The following SEZ6L variants were observed in gnomAD, a reference collection of about 807,000 sequenced individuals.
SEZ6L encodes seizure related 6 homolog like, also known as seizure 6-like protein.
In SEZ6L, 37 loss-of-function variants were observed where a neutral mutation model predicts 106.2. The observed-to-expected ratio is 0.35, with a 90% CI of 0.27 to 0.46. The LOEUF (loss-of-function observed/expected upper bound fraction) is 0.46. Among genes scored for constraint, SEZ6L ranks in the 20% least tolerant of loss-of-function variants. The pLI is 1.00. For synonymous variants in SEZ6L, 541 were observed against 570.4 expected (o/e 0.95, Z 0.73); for missense variants, 1,172 against 1,332.8 (o/e 0.88, Z 1.88).
At chr22:26,360,573 C>A (rs937681126) in intron 12 of SEZ6L, among the ~76,000 whole-genome samples, 3 of 152,106 alleles carry the variant, frequency 2.0e-5, no homozygotes, top group Admixed American at 6.5e-5. Context: ...TCTTTTGTGT[C>A]GCCACTGCCA....
intron 10 of SEZ6L, among the ~76,000 whole-genome samples, chr22:26,346,136 T>A (rs1017039663): frequency 6.6e-6 from 1 of 151,994 alleles, no homozygotes. Context: ...CAAGCAATCC[T>A]CCCACCTCAG....
At position 26,292,141 on chromosome 22, in the gene SEZ6L, A is replaced by G. The variant is rs638296; in HGVS notation, c.95-265A>G. ...GGAAGGAGGGAGGGAGGAAAGAAAG[A>G]AAGAAAGGAAGGAAGGAAGGAAGGA... On this transcript the variant is annotated intron_variant, in intron 1 of 16. Transcript: ENST00000248933. The G allele has an allele frequency of 8.6e-3, 2,594 of 301,896 alleles. 17 individuals carry two copies. Among genetic ancestry groups the G allele is most frequent in the Non-Finnish European group, 0.012 (1,907 of 155,316 alleles). 18.7% of individuals were successfully genotyped at this position (301,896 alleles called of 1,614,324 possible). A position where few individuals can be genotyped will look rare whatever the true frequency, so the allele number is the denominator to read the frequency against.
chr22:26,299,189 G>A lies in SEZ6L; in HGVS notation c.1348+20G>A, dbSNP rs755813125. 1.5e-5 allele frequency: 21 copies of A among 1,388,538 alleles called. No individual in the cohort carries two copies. The highest frequency in any genetic ancestry group is 5.5e-5 in the South Asian group (3 of 54,718). 86.0% of individuals were successfully genotyped at this position (1,388,538 alleles called of 1,614,324 possible). A position where few individuals can be genotyped will look rare whatever the true frequency, so the allele number is the denominator to read the frequency against. Reference sequence around the variant, plus strand: ...GCTCAGGTATGCTCCAGCCTCAGCCGGACCAAACCTGATGGTCCAACTAAG... The same window carrying A: ...GCTCAGGTATGCTCCAGCCTCAGCCAGACCAAACCTGATGGTCCAACTAAG... On this transcript the variant is annotated intron_variant, in intron 5 of 16. Transcript: ENST00000248933.
At chr22:26,329,360 C>T (rs960952926) in intron 9 of SEZ6L, among the ~76,000 whole-genome samples, 1 of 152,058 alleles carries the variant, frequency 6.6e-6, no homozygotes, top group Non-Finnish European at 1.5e-5. Context: ...TCCAGCTACT[C>T]TGGAGGCTAA....
chr22:26,306,077 A>T lies in SEZ6L; in HGVS notation c.1447A>T (p.Ile483Phe). 1 of 1,614,144 alleles carries T rather than the reference A, an allele frequency of 6.2e-7. No homozygotes were observed. Among genetic ancestry groups the T allele is most frequent in the Non-Finnish European group, 8.5e-7 (1 of 1,180,024 alleles). The change falls in exon 6 of 17, where the codon ATT becomes TTT. Residue 483 changes from isoleucine to phenylalanine, a missense_variant. Ile to Phe is a conservative substitution (Grantham distance 21). Coordinates refer to ENST00000248933, the MANE Select transcript of SEZ6L (RefSeq NM_021115.5). ...TGGGAGCCAATTCTGCATCTGGACG[A>T]TTGAAGCTCCAGAGGGCCAGAAGCT... is the stretch of plus-strand genomic sequence containing the variant. ...TNGSQFCIWT[I>F]EAPEGQKLHL... is the part of the protein sequence containing the mutation.
chr22:26,210,574 G>A (rs1380156838), intron 1 of SEZ6L, among the ~76,000 whole-genome samples: 1 of 152,106 alleles, frequency 6.6e-6, no homozygotes, highest in Non-Finnish European at 1.5e-5. Flanking sequence ...CCCTGGGGGC[G>A]GTTTCTTTTG....
intron 1 of SEZ6L, among the ~76,000 whole-genome samples, chr22:26,200,418 C>T (rs1199730798): frequency 1.3e-5 from 2 of 152,160 alleles, no homozygotes; most frequent in Admixed American, 1.3e-4. Context: ...AAGGGGTGCA[C>T]AGGCTGACAG....
intron 1 of SEZ6L, among the ~76,000 whole-genome samples, chr22:26,244,121 T>C (rs2079239355): frequency 6.7e-6 from 1 of 149,446 alleles, no homozygotes; most frequent in Non-Finnish European, 1.5e-5. Flanking sequence ...TGAGATCACA[T>C]CACTGCACCC....
intron 12 of SEZ6L, chr22:26,364,733 A>G (rs1601622342): frequency 6.6e-6 from 1 of 152,296 alleles, no homozygotes; most frequent in Non-Finnish European, 1.5e-5. Flanking sequence ...GAAACAGATA[A>G]CTAATTCAGT....
chr22:26,291,449 G>T (rs971621128), intron 1 of SEZ6L, among the ~76,000 whole-genome samples: 3 of 88,706 alleles, frequency 3.4e-5, no homozygotes, highest in African/African-American at 2.3e-4. Flanking sequence ...GCGGGGTGGA[G>T]TTGGGGGAGG....
At chr22:26,343,714 C>T (rs2082917830) in intron 10 of SEZ6L, among the ~76,000 whole-genome samples, 1 of 152,100 alleles carries the variant, frequency 6.6e-6, no homozygotes, top group African/African-American at 2.4e-5. Flanking sequence ...GTGGGAGAGG[C>T]AGAAAAAGGA....
intron 3 of SEZ6L, among the ~76,000 whole-genome samples, chr22:26,294,975 CT>C (rs2081261321): frequency 2.0e-5 from 3 of 150,232 alleles, no homozygotes; most frequent in African/African-American, 2.5e-5. Flanking sequence ...TGCTTGCTTG[CT>C]TTCCTTCATT....
chr22:26,347,585 A>T, intron 10 of SEZ6L, 134 bp from the exon 11 acceptor site: 1 of 648,892 alleles, frequency 1.5e-6, no homozygotes, highest in Non-Finnish European at 2.4e-6. Context: ...CTTGCCAGTT[A>T]AGCGATTTTG....
chr22:26,205,019 A>G (rs1941203726), intron 1 of SEZ6L, among the ~76,000 whole-genome samples: 2 of 152,232 alleles, frequency 1.3e-5, no homozygotes, highest in Admixed American at 6.5e-5. Context: ...TCAAGAGATA[A>G]CTGAACCACC....
intron 1 of SEZ6L, among the ~76,000 whole-genome samples, chr22:26,279,562 C>T (rs9613151): frequency 2.6e-5 from 4 of 152,098 alleles, no homozygotes; most frequent in East Asian, 1.9e-4. Context: ...AAAAATTGGG[C>T]GAAAAGAAAG....
At chr22:26,237,705 A>G (rs1055573751) in intron 1 of SEZ6L, among the ~76,000 whole-genome samples, 7 of 152,236 alleles carry the variant, frequency 4.6e-5, no homozygotes, top group Non-Finnish European at 8.8e-5. Flanking sequence ...GTGGGTGGAT[A>G]TTAATGATGA....
At chr22:26,330,731 T>C (rs145526318) in intron 9 of SEZ6L, among the ~76,000 whole-genome samples, 1 of 146,348 alleles carries the variant, frequency 6.8e-6, no homozygotes, top group East Asian at 1.9e-4. Flanking sequence ...TACTTCTTTT[T>C]GTGTTACCGT....
chr22:26,311,429 G>A (rs654208), intron 7 of SEZ6L, among the ~76,000 whole-genome samples: 69,951 of 152,098 alleles, frequency 0.46, 17,588 homozygotes, highest in African/African-American at 0.63. Flanking sequence ...ATCATAGACA[G>A]CCCTACAGTT....
At chr22:26,277,749 C>A (rs2080600266) in intron 1 of SEZ6L, among the ~76,000 whole-genome samples, 1 of 152,156 alleles carries the variant, frequency 6.6e-6, no homozygotes, top group African/African-American at 2.4e-5. Context: ...GACTGGGGGC[C>A]TACTATGTGT....
Sources: allele counts gnomAD v4.1 joint callset (sites outside exome capture counted in the v4.1 genomes callset), GRCh38; gene constraint gnomAD v4.1.1; transcripts MANE v1.5; gene names NCBI Gene and HGNC (gene_info 2026-07-23, HGNC 2026-07-21).